Variants in DDI2 observed in about 807,000 individuals in gnomAD.
The protein encoded by DDI2 is protein DDI1 homolog 2.
A neutral mutation model predicts 48.1 loss-of-function variants in DDI2; 5 were observed. The observed-to-expected ratio is 0.10, with a 90% CI of 0.05 to 0.22. DDI2 has a LOEUF of 0.22. DDI2 is among the 10% of genes least tolerant of loss of function. DDI2 has a pLI of 1.00. For missense variants in DDI2, 285 were observed against 506.2 expected (o/e 0.56, Z 4.19); for synonymous variants, 205 against 183.6 (o/e 1.12, Z -0.94).
In DDI2 at chr1:15,617,718, C is replaced by G; in HGVS notation, c.48C>G (p.Thr16=). 11 of 1,610,738 alleles carry G rather than the reference C, an allele frequency of 6.8e-6. No individual in the cohort carries two copies. Among genetic ancestry groups the G allele is most frequent in the East Asian group, 2.2e-5 (1 of 44,734 alleles). ...YCVRRDLSEV[T]FSLQVDADFE... is the part of the protein sequence containing the mutation. Reference sequence around the variant, plus strand: ...TGCGGAGGGACCTCTCCGAGGTGACCTTTTCCCTCCAGGTCGACGCCGACT... The same window carrying G: ...TGCGGAGGGACCTCTCCGAGGTGACGTTTTCCCTCCAGGTCGACGCCGACT... Residue 16 remains threonine (T), a synonymous_variant, in exon 1 of 10, where the codon ACC becomes ACG. Coordinates refer to ENST00000480945, the MANE Select transcript of DDI2 (RefSeq NM_032341.5).
intron 8 of DDI2, among the ~76,000 whole-genome samples, chr1:15,652,710 C>G (rs993262668): frequency 6.6e-6 from 1 of 152,014 alleles, no homozygotes; most frequent in African/African-American, 2.4e-5. Flanking sequence ...GTATTCCCAG[C>G]TACTCAGGAG....
At chr1:15,632,934 A>T (rs866119867) in intron 3 of DDI2, among the ~76,000 whole-genome samples, 1,330 of 102,280 alleles carry the variant, frequency 0.013, 20 homozygotes, top group African/African-American at 0.063. Flanking sequence ...TTTTTTTTAA[A>T]AAAAAAAAAA....
chr1:15,643,628 G>A lies in DDI2; in HGVS notation c.867G>A (p.Lys289=). Residue 289 remains lysine (K), a synonymous_variant, in exon 6 of 10, where the codon AAG becomes AAA. Coordinates refer to ENST00000480945, the MANE Select transcript of DDI2 (RefSeq NM_032341.5). The part of the protein sequence containing the change: ...AGIAKGVGTQ[K]IIGRVHLAQV... ...TTGCCAAAGGAGTGGGCACCCAGAAGATTATTGGAAGGGTACATCTAGGTG... is the reference window on the plus strand; with the variant it reads ...TTGCCAAAGGAGTGGGCACCCAGAAAATTATTGGAAGGGTACATCTAGGTG... The A allele has an allele frequency of 6.2e-7, 1 of 1,614,170 alleles. No homozygotes were observed. The highest frequency in any genetic ancestry group is 8.5e-7 in the Non-Finnish European group (1 of 1,180,020).
chr1:15,659,479 G>A (rs1640325488), intron 9 of DDI2, among the ~76,000 whole-genome samples: 1 of 152,140 alleles, frequency 6.6e-6, no homozygotes, highest in Admixed American at 6.5e-5. Flanking sequence ...GGTGAAAAAA[G>A]TACACTTGGA....
chr1:15,631,413 G>C (rs749265591), intron 3 of DDI2, among the ~76,000 whole-genome samples: 10 of 152,226 alleles, frequency 6.6e-5, no homozygotes, highest in Admixed American at 2.0e-4. Context: ...GTTGCACCCA[G>C]CTAACTTGTA....
chr1:15,629,489 C>T (rs1434992365), intron 2 of DDI2, among the ~76,000 whole-genome samples: 6 of 150,842 alleles, frequency 4.0e-5, no homozygotes, highest in East Asian at 4.0e-4. Flanking sequence ...CCCAGCTACT[C>T]GGGAGGCTGA....
rs1570991213 is a variant in DDI2 at position 15,656,139 on chromosome 1, C to T, written c.1184-478C>T. 3.3e-5 allele frequency among the ~76,000 whole-genome samples: 5 copies of T among 152,064 alleles called. No individual in the cohort carries two copies. The East Asian group carries it at 9.6e-4, about 29-fold the overall frequency. On this transcript the variant is annotated intron_variant, in intron 8 of 9. Coordinates refer to ENST00000480945, the MANE Select transcript of DDI2 (RefSeq NM_032341.5). ...TGCAGGCCAGAGTCACTGTGTTCAG[C>T]TTGATGTATTATTTAAAAACTGATG...
At chr1:15,642,652 T>C (rs1640028638) in intron 5 of DDI2, among the ~76,000 whole-genome samples, 1 of 152,152 alleles carries the variant, frequency 6.6e-6, no homozygotes, top group South Asian at 2.1e-4. Context: ...GGCCAGACAC[T>C]GTGGCTCACA....
chr1:15,660,016 C>T lies in DDI2; in HGVS notation c.*226C>T. 1 of 1,614,190 alleles carries T rather than the reference C, an allele frequency of 6.2e-7. No individual in the cohort carries two copies. Among genetic ancestry groups the T allele is most frequent in the East Asian group, 2.2e-5 (1 of 44,884 alleles). On this transcript the variant is annotated 3_prime_UTR_variant, in exon 10 of 10. Transcript: ENST00000480945. Reference sequence around the variant, plus strand: ...GCCCAGTGACTCAGATCGCATTGAACCTAAAGCTGTGAAGGCTTTGAAGGC... The same window carrying T: ...GCCCAGTGACTCAGATCGCATTGAATCTAAAGCTGTGAAGGCTTTGAAGGC...
chr1:15,651,879 A>C lies in DDI2; in HGVS notation c.1167A>C (p.Lys389Asn). ...AAGAATTAGCAGAAGCCCTTCAAAA[A>C]TCAGCAGAGGATGCAGGTATTTGGG... ...ADQELAEALQ[K>N]SAEDAERQKP The change falls in exon 8 of 10, where the codon AAA becomes AAC. Residue 389 changes from lysine (K) to asparagine (N), a missense_variant. Transcript: ENST00000480945. 1.9e-6 allele frequency: 3 copies of C among 1,613,700 alleles called. No individual in the cohort carries two copies. The highest frequency in any genetic ancestry group is 1.1e-5 in the South Asian group (1 of 91,020).
intron 1 of DDI2, among the ~76,000 whole-genome samples, chr1:15,618,050 C>T (rs1408823678): frequency 1.3e-5 from 2 of 152,186 alleles, no homozygotes; most frequent in Admixed American, 6.5e-5. Flanking sequence ...CAGACGCACC[C>T]ACTGCAGCGT....
chr1:15,641,955 C>CAAAA (rs57716922), intron 5 of DDI2, among the ~76,000 whole-genome samples: 1 of 79,374 alleles, frequency 1.3e-5, no homozygotes. Flanking sequence ...AATTCAGTCT[C>CAAAA]AAAAAAAAAA....
At position 15,660,291 on chromosome 1, in the gene DDI2, T is replaced by C. The variant is rs1252601528; in HGVS notation, c.*501T>C. The stretch of plus-strand genomic sequence containing the variant: ...TATCTGTCACATCTACTAGGATGCA[T>C]GAACCACAGATGTTTCTAGGTGAAA... On this transcript the variant is annotated 3_prime_UTR_variant, in exon 10 of 10. Transcript: ENST00000480945. The C allele has an allele frequency of 1.2e-6, 2 of 1,614,182 alleles. No homozygotes were observed. Among genetic ancestry groups the C allele is most frequent in the South Asian group, 1.1e-5 (1 of 91,086 alleles).
At chr1:15,648,910 A>C (rs750115426) in intron 6 of DDI2, among the ~76,000 whole-genome samples, 2 of 151,984 alleles carry the variant, frequency 1.3e-5, no homozygotes, top group Non-Finnish European at 2.9e-5. Flanking sequence ...AAAATACACA[A>C]TATCTTGTGT....
intron 2 of DDI2, among the ~76,000 whole-genome samples, chr1:15,627,299 G>A (rs542476348): frequency 3.9e-5 from 6 of 152,282 alleles, no homozygotes; most frequent in African/African-American, 1.4e-4. Flanking sequence ...TTATAATTAT[G>A]AAGCTCAGAT....
At position 15,617,636 on chromosome 1, in the gene DDI2, G is replaced by GGCCGA. The variant is rs758883268; in HGVS notation, c.-20_-16dup. 86 of 1,354,954 alleles carry GGCCGA rather than the reference G, an allele frequency of 6.3e-5. No homozygotes were observed. The highest frequency in any genetic ancestry group is 2.7e-4 in the East Asian group (9 of 33,026). 83.9% of individuals were successfully genotyped at this position (1,354,954 alleles called of 1,614,324 possible). A position where few individuals can be genotyped will look rare whatever the true frequency, so the allele number is the denominator to read the frequency against. ...TCCCCTGCGCCCCGCGCCCAGGCCG[G>GGCCGA]GCCGAGCCGAGCCGAGCCGGGTCGG... On this transcript the variant is annotated 5_prime_UTR_variant, in exon 1 of 10. Coordinates refer to ENST00000480945, the MANE Select transcript of DDI2 (RefSeq NM_032341.5).
rs1328295205 is a variant in DDI2 at position 15,662,703 on chromosome 1, T to C, written c.*2913T>C. ...TTCTGCCAGGAAGTTCTTCAAACGC[T>C]CAGTGTGAGCTGTGATCTGAGTGAA... On this transcript the variant is annotated 3_prime_UTR_variant, in exon 10 of 10. Coordinates refer to ENST00000480945, the MANE Select transcript of DDI2 (RefSeq NM_032341.5). 1 of 152,230 alleles carries C rather than the reference T, an allele frequency of 6.6e-6. No homozygotes were observed. Among genetic ancestry groups the C allele is most frequent in the Non-Finnish European group, 1.5e-5 (1 of 68,044 alleles). 9.4% of individuals were successfully genotyped at this position (152,230 alleles called of 1,614,324 possible). A position where few individuals can be genotyped will look rare whatever the true frequency, so the allele number is the denominator to read the frequency against.
At chr1:15,651,626 AT>A in intron 7 of DDI2, 79 bp from the exon 8 acceptor site, 2 of 1,376,096 alleles carry the variant, frequency 1.5e-6, no homozygotes, top group South Asian at 2.9e-5. Context: ...GCCATTTGTG[AT>A]TGGAGTTTTA....
chr1:15,625,574 A>C (rs1047959514), intron 1 of DDI2, among the ~76,000 whole-genome samples: 7 of 151,106 alleles, frequency 4.6e-5, no homozygotes, highest in African/African-American at 1.7e-4. Context: ...TCTTTTTTCC[A>C]CTTGTATTTA....
Sources: allele counts gnomAD v4.1 joint callset (sites outside exome capture counted in the v4.1 genomes callset), GRCh38; gene constraint gnomAD v4.1.1; transcripts MANE v1.5; gene names NCBI Gene and HGNC (gene_info 2026-07-23, HGNC 2026-07-21).